The following MID1 variants were observed in gnomAD, a reference collection of about 807,000 sequenced individuals.
MID1 encodes the protein midline 1.
Under a neutral mutation model 40.4 loss-of-function variants are expected in MID1, and 7 were observed. The observed-to-expected ratio is 0.17, with a 90% CI of 0.10 to 0.33. The LOEUF (loss-of-function observed/expected upper bound fraction) is 0.33. Among genes scored for constraint, MID1 ranks in the 10% least tolerant of loss-of-function variants. The probability of loss-of-function intolerance (pLI) is 1.00; values close to 1 mark genes in which losing one functional copy is unlikely to be tolerated. For synonymous variants in MID1, 229 were observed against 221.2 expected (o/e 1.04, Z -0.31); for missense variants, 367 against 558.5 (o/e 0.66, Z 3.46).
intron 1 of MID1, among the ~76,000 whole-genome samples, chrX:10,810,548 G>T (rs1036562452): frequency 9.0e-6 from 1 of 111,650 alleles, no homozygotes; most frequent in Admixed American, 9.5e-5. Flanking sequence ...ACCTAGGAGT[G>T]GAATTGCTGG....
intron 1 of MID1, among the ~76,000 whole-genome samples, chrX:10,571,490 C>CTTT (rs757552435): frequency 1.1e-5 from 1 of 92,767 alleles, no homozygotes; most frequent in Non-Finnish European, 2.2e-5. Flanking sequence ...CCATTCATTC[C>CTTT]TTTTTTTTTT....
chrX:10,739,702 G>T (rs934068464), intron 1 of MID1, among the ~76,000 whole-genome samples: 1 of 112,095 alleles, frequency 8.9e-6, no homozygotes, highest in Non-Finnish European at 1.9e-5. Context: ...TGTATCAATG[G>T]AAGAGTGAAA....
chrX:10,810,696 CTG>C (rs370482398), intron 1 of MID1, among the ~76,000 whole-genome samples: 112 of 100,936 alleles, frequency 1.1e-3, no homozygotes, highest in South Asian at 1.4e-3. Context: ...GTTGTTTTCT[CTG>C]TGTGTGTGTG....
chrX:10,613,790 CAG>C (rs755388363), intron 1 of MID1, among the ~76,000 whole-genome samples: 3 of 72,668 alleles, frequency 4.1e-5, no homozygotes, highest in Admixed American at 3.0e-4. Context: ...GACAGACAGA[CAG>C]AGAGAGACTA....
intron 4 of MID1, 149 bp from the exon 5 acceptor site, chrX:10,482,777 C>G (rs1327275712): frequency 1.4e-5 from 8 of 568,078 alleles, no homozygotes; most frequent in Non-Finnish European, 2.4e-5. Flanking sequence ...ATGGAAAGCT[C>G]CGTTATGGGA....
intron 1 of MID1, among the ~76,000 whole-genome samples, chrX:10,573,439 A>G (rs1434074506): frequency 4.5e-5 from 5 of 112,054 alleles, no homozygotes; most frequent in South Asian, 3.7e-4. Flanking sequence ...GTGAGAACCA[A>G]TCTAGTCTCC....
chrX:10,452,028 T>G (rs773491948), intron 9 of MID1, among the ~76,000 whole-genome samples: 3 of 112,221 alleles, frequency 2.7e-5, no homozygotes, highest in Non-Finnish European at 5.6e-5. Context: ...ATTTGGAACC[T>G]GCATCACAAA....
At chrX:10,631,473 C>G (rs775078287) in intron 1 of MID1, among the ~76,000 whole-genome samples, 45 of 111,709 alleles carry the variant, frequency 4.0e-4, no homozygotes, top group Non-Finnish European at 7.7e-4. Context: ...AGTTTGTGCA[C>G]TCAGGCTGAC....
chrX:10,826,254 G>A (rs763022141), intron 1 of MID1, among the ~76,000 whole-genome samples: 2 of 110,332 alleles, frequency 1.8e-5, no homozygotes, highest in South Asian at 3.9e-4. Context: ...CACTCCTTTC[G>A]ATTTCACCTC....
At chrX:10,590,062 G>A (rs988156661) in intron 1 of MID1, among the ~76,000 whole-genome samples, 10 of 110,696 alleles carry the variant, frequency 9.0e-5, no homozygotes, top group African/African-American at 3.3e-4. Flanking sequence ...TACGTGACAG[G>A]GGCTGCATGC....
At chrX:10,537,596 A>C (rs755985191) in intron 2 of MID1, among the ~76,000 whole-genome samples, 14 of 112,366 alleles carry the variant, frequency 1.2e-4, no homozygotes, top group Non-Finnish European at 5.6e-5. Flanking sequence ...AGTGTCACTG[A>C]TACAGGTAAT....
At chrX:10,826,129 C>G (rs1448161862) in intron 1 of MID1, among the ~76,000 whole-genome samples, 1 of 110,918 alleles carries the variant, frequency 9.0e-6, no homozygotes, top group African/African-American at 3.3e-5. Flanking sequence ...TCCACCAAAC[C>G]AGGCCAACTT....
chrX:10,797,055 AT>A (rs909559638), intron 1 of MID1, among the ~76,000 whole-genome samples: 1 of 110,313 alleles, frequency 9.1e-6, no homozygotes, highest in African/African-American at 3.4e-5. Context: ...CTGGGCCCCC[AT>A]TTAAACAAAG....
At chrX:10,692,095 C>T (rs1411544963) in intron 1 of MID1, among the ~76,000 whole-genome samples, 5 of 111,797 alleles carry the variant, frequency 4.5e-5, no homozygotes, top group South Asian at 3.8e-4. Flanking sequence ...GTGTGCACAG[C>T]GGGACATGGA....
At chrX:10,809,337 A>C (rs184269077) in intron 1 of MID1, among the ~76,000 whole-genome samples, 136 of 111,993 alleles carry the variant, frequency 1.2e-3, no homozygotes, top group African/African-American at 4.2e-3. Context: ...GTGGGACTGT[A>C]AACTAGTTCA....
chrX:10,565,587 G>T (rs760799450), intron 2 of MID1: 1 of 311,219 alleles, frequency 3.2e-6, no homozygotes, highest in Non-Finnish European at 6.2e-6. Context: ...CTGAGAGGAA[G>T]GACTTCAATA....
chrX:10,561,026 A>G (rs997359520), intron 2 of MID1, among the ~76,000 whole-genome samples: 2 of 106,845 alleles, frequency 1.9e-5, no homozygotes, highest in Admixed American at 9.7e-5. Context: ...AGATATATAG[A>G]CCAATGGAAC....
At chrX:10,722,115 C>T (rs1311357987) in intron 1 of MID1, among the ~76,000 whole-genome samples, 1 of 103,291 alleles carries the variant, frequency 9.7e-6, no homozygotes, top group Admixed American at 1.0e-4. Context: ...CATATGGCTG[C>T]AAAAAAAAAA....
Position 10,786,620 on chromosome X carries a change from A to G in MID1, c.-187+46934T>C, listed in dbSNP as rs187332043. On this transcript the variant is annotated intron_variant, in intron 1 of 10. Transcript: ENST00000380785. Reference sequence around the variant, plus strand: ...GAAAAAAATGTGGCCCATATACACCATGGAATACTATGCAGCCATAAAAAG... The same window carrying G: ...GAAAAAAATGTGGCCCATATACACCGTGGAATACTATGCAGCCATAAAAAG... Among the ~76,000 whole-genome samples, 668 of 111,097 alleles carry G rather than the reference A, an allele frequency of 6.0e-3. 16 individuals carry two copies. The highest frequency in any genetic ancestry group is 0.059 in the Admixed American group (614 of 10,419).
Sources: allele counts gnomAD v4.1 joint callset (sites outside exome capture counted in the v4.1 genomes callset), GRCh38; gene constraint gnomAD v4.1.1; transcripts MANE v1.5; gene names NCBI Gene and HGNC (gene_info 2026-07-23, HGNC 2026-07-21).